Variants in ZHX3 observed in about 807,000 individuals in gnomAD.
The protein encoded by ZHX3 is zinc fingers and homeoboxes 3.
In ZHX3, 20 loss-of-function variants were observed where a neutral mutation model predicts 64.5. The observed-to-expected ratio is 0.31, with a 90% CI of 0.22 to 0.45. The LOEUF (loss-of-function observed/expected upper bound fraction) is 0.45, where lower values mean the gene tolerates loss of function less well. Among genes scored for constraint, ZHX3 ranks in the 20% least tolerant of loss-of-function variants. The pLI, the probability that ZHX3 is intolerant of heterozygous loss-of-function variation, is 1.00. For synonymous variants in ZHX3, 423 were observed against 461.6 expected (o/e 0.92, Z 1.07); for missense variants, 1,041 against 1,195.8 (o/e 0.87, Z 1.91).
Position 41,204,745 on chromosome 20 carries a change from T to A in ZHX3, c.172A>T (p.Ser58Cys). The A allele has an allele frequency of 6.2e-7, 1 of 1,614,208 alleles. No individual in the cohort carries two copies. The highest frequency in any genetic ancestry group is 1.3e-5 in the African/African-American group (1 of 75,060). Residue 58 changes from serine (S) to cysteine (C), a missense_variant, in exon 3 of 4, where the codon AGT becomes TGT. By Grantham distance (112) the Ser-to-Cys change is moderately radical. Around this residue, in one of 4 missense-constraint regions of ZHX3, gnomAD observed 358 missense variants for 369.1 expected, o/e 0.97. Coordinates refer to ENST00000683867, the MANE Select transcript of ZHX3 (RefSeq NM_001384317.1). This position sits in a 1 kb window ranked among gnomAD's most constrained non-coding sequence, Gnocchi z 6.6. ...TTGGCCAGTGTAGAGCCATCAGTAC[T>A]GCTGGGGTTCTGTGCTGCCTCACTG... ...ASSEAAQNPS[S>C]TDGSTLANGH...
At chr20:41,236,057 C>G (rs914681267) in intron 2 of ZHX3, among the ~76,000 whole-genome samples, 2 of 152,158 alleles carry the variant, frequency 1.3e-5, no homozygotes, top group Non-Finnish European at 2.9e-5. Flanking sequence ...AGGAATCCAA[C>G]TAACAAGGGA....
At chr20:41,236,209 C>T (rs1478401951) in intron 2 of ZHX3, among the ~76,000 whole-genome samples, 4 of 152,122 alleles carry the variant, frequency 2.6e-5, no homozygotes. Context: ...AGGTAATTTA[C>T]AGATTCAATG....
intron 2 of ZHX3, among the ~76,000 whole-genome samples, chr20:41,243,844 C>T (rs1005810372): frequency 4.6e-5 from 7 of 151,966 alleles, no homozygotes; most frequent in African/African-American, 1.2e-4. Flanking sequence ...AACCCTATGA[C>T]GAGGATCAAC....
rs1017734106 is a variant in ZHX3, at chr20:41,226,179, T to C, written c.-150-21113A>G. Among the ~76,000 whole-genome samples, 2 of 152,008 alleles carry C rather than the reference T, an allele frequency of 1.3e-5. No individual in the cohort carries two copies. The highest frequency in any genetic ancestry group is 2.4e-5 in the African/African-American group (1 of 41,400). On this transcript the variant is annotated intron_variant, in intron 2 of 3. Coordinates refer to ENST00000683867, the MANE Select transcript of ZHX3 (RefSeq NM_001384317.1). This position sits in a 1 kb window ranked among gnomAD's most constrained non-coding sequence, Gnocchi z 4.4. Reference sequence around the variant, plus strand: ...TTGGGAGGCCGAGGCGGGTGGATCATGAGGTCAGGAGATCGAAACCATTTT... The same window carrying C: ...TTGGGAGGCCGAGGCGGGTGGATCACGAGGTCAGGAGATCGAAACCATTTT...
At chr20:41,213,118 A>G (rs1242303858) in intron 2 of ZHX3, among the ~76,000 whole-genome samples, 1 of 152,244 alleles carries the variant, frequency 6.6e-6, no homozygotes, top group Non-Finnish European at 1.5e-5. Flanking sequence ...CACATACTGT[A>G]TGATTCCCAT....
intron 3 of ZHX3, among the ~76,000 whole-genome samples, chr20:41,187,237 G>T (rs2036593715): frequency 6.6e-6 from 1 of 150,886 alleles, no homozygotes; most frequent in African/African-American, 2.4e-5. Flanking sequence ...AGGCTAAGGT[G>T]GGATGACTGC....
intron 1 of ZHX3, among the ~76,000 whole-genome samples, chr20:41,298,607 T>C (rs930879146): frequency 7.2e-5 from 11 of 152,232 alleles, no homozygotes; most frequent in African/African-American, 2.4e-4. Flanking sequence ...AAATACTTCA[T>C]TGAATAGATG....
chr20:41,241,112 T>C (rs1049180785), intron 2 of ZHX3, among the ~76,000 whole-genome samples: 1 of 152,192 alleles, frequency 6.6e-6, no homozygotes, highest in Non-Finnish European at 1.5e-5. Flanking sequence ...CAGTGGGAAA[T>C]TACATTCCCA....
Position 41,182,583 on chromosome 20 carries a change from G to A in ZHX3, c.*2608C>T, listed in dbSNP as rs922516963. 3 of 151,532 alleles carry A rather than the reference G, an allele frequency of 2.0e-5. No homozygotes were observed. The highest frequency in any genetic ancestry group is 6.6e-5 in the Admixed American group (1 of 15,198). The allele number at this position is 151,532 out of a possible 1,614,324, so 9.4% of individuals were successfully genotyped here. A position where few individuals can be genotyped will look rare whatever the true frequency, so the allele number is the denominator to read the frequency against. ...ATGTCCCTTTAAGCACCTGCGTGAT[G>A]ACTGCCTCCCTCATCATCGCTTTTG... On this transcript the variant is annotated 3_prime_UTR_variant, in exon 4 of 4. Coordinates refer to ENST00000683867, the MANE Select transcript of ZHX3 (RefSeq NM_001384317.1). This position sits in a 1 kb window ranked among gnomAD's most constrained non-coding sequence, Gnocchi z 6.1.
At chr20:41,223,707 T>C (rs755557664) in intron 2 of ZHX3, among the ~76,000 whole-genome samples, 4 of 152,228 alleles carry the variant, frequency 2.6e-5, no homozygotes, top group Non-Finnish European at 5.9e-5. Context: ...CTGAACAATG[T>C]TAATGTGCTA....
chr20:41,270,677 GA>G (rs11317009), intron 1 of ZHX3, among the ~76,000 whole-genome samples: 62,439 of 138,698 alleles, frequency 0.45, 15,216 homozygotes, highest in East Asian at 0.81. Context: ...CTCCGTCTCA[GA>G]AAAAAAAAAA....
chr20:41,210,790 G>T (rs1226047580), intron 2 of ZHX3, among the ~76,000 whole-genome samples: 1 of 152,106 alleles, frequency 6.6e-6, no homozygotes, highest in Non-Finnish European at 1.5e-5. Context: ...GTATACCTAT[G>T]TAACAAACCT....
At chr20:41,267,618 G>GA (rs1250834295) in intron 2 of ZHX3, 1 of 152,158 alleles carries the variant, frequency 6.6e-6, no homozygotes. Flanking sequence ...AAATGCTATA[G>GA]AAAAAATAGA....
chr20:41,231,004 T>A (rs1207747373), intron 2 of ZHX3, among the ~76,000 whole-genome samples: 2 of 152,214 alleles, frequency 1.3e-5, no homozygotes, highest in Non-Finnish European at 2.9e-5. Context: ...TCTAAAAATC[T>A]TCTGTGCTCT....
At chr20:41,230,367 C>G (rs2040527554) in intron 2 of ZHX3, among the ~76,000 whole-genome samples, 1 of 152,110 alleles carries the variant, frequency 6.6e-6, no homozygotes, top group Non-Finnish European at 1.5e-5. Flanking sequence ...CTCCTCTCCT[C>G]TTGTGTTTAT....
At chr20:41,193,917 G>A (rs2037266566) in intron 3 of ZHX3, among the ~76,000 whole-genome samples, 1 of 152,068 alleles carries the variant, frequency 6.6e-6, no homozygotes, top group Non-Finnish European at 1.5e-5. Flanking sequence ...GGCCAGGGTG[G>A]TCTCGATCTC....
intron 2 of ZHX3, among the ~76,000 whole-genome samples, chr20:41,233,439 C>T (rs1020156488): frequency 1.3e-5 from 2 of 152,176 alleles, no homozygotes; most frequent in African/African-American, 4.8e-5. Context: ...GTTTGAGACC[C>T]AATCAAGAAT....
chr20:41,213,923 A>T (rs144477447), intron 2 of ZHX3: 82 of 152,238 alleles, frequency 5.4e-4, no homozygotes, highest in African/African-American at 1.9e-3. Flanking sequence ...AAATTGTAAA[A>T]AATTAGTCAG....
chr20:41,187,947 T>C (rs1250384311), intron 3 of ZHX3, among the ~76,000 whole-genome samples: 1 of 152,222 alleles, frequency 6.6e-6, no homozygotes, highest in African/African-American at 2.4e-5. Flanking sequence ...TCTAGCTACT[T>C]TGAAATATAC....
Sources: allele counts gnomAD v4.1 joint callset (sites outside exome capture counted in the v4.1 genomes callset), GRCh38; gene constraint gnomAD v4.1.1; regional missense constraint gnomAD v4.1.1; non-coding constraint Gnocchi (gnomAD v3.1); transcripts MANE v1.5; gene names NCBI Gene and HGNC (gene_info 2026-07-23, HGNC 2026-07-21).